FAM227B: variants seen among roughly 807,000 people sequenced by gnomAD.
The protein encoded by FAM227B is family with sequence similarity 227 member B.
A neutral mutation model predicts 73.8 loss-of-function variants in FAM227B; 88 were observed. The observed-to-expected ratio is 1.19, with a 90% CI of 1.00 to 1.42. The LOEUF is 1.42. Ranked by LOEUF, FAM227B falls within the 40% of genes most tolerant of loss-of-function variation. The pLI is 0.00. For missense variants in FAM227B, 632 were observed against 590.9 expected (o/e 1.07, Z -0.72); for synonymous variants, 210 against 190.5 (o/e 1.10, Z -0.84).
chr15:49,511,330 T>C (rs576481413), intron 10 of FAM227B, among the ~76,000 whole-genome samples: 5 of 151,666 alleles, frequency 3.3e-5, no homozygotes, highest in Non-Finnish European at 7.4e-5. Context: ...TTAGCTATCA[T>C]CTTATATATT....
intron 11 of FAM227B, among the ~76,000 whole-genome samples, chr15:49,389,844 C>T (rs1458550625): frequency 2.0e-5 from 3 of 151,920 alleles, no homozygotes; most frequent in East Asian, 3.9e-4. Flanking sequence ...ACTGATTTTT[C>T]CTAGCCACTG....
Position 49,508,171 on chromosome 15 carries a change from C to T in FAM227B, c.1012+40G>A, listed in dbSNP as rs1324203478. 3 of 1,562,948 alleles carry T rather than the reference C, an allele frequency of 1.9e-6. No individual in the cohort carries two copies. The East Asian group carries it at 7.0e-5, about 36-fold the overall frequency. ...TAATAAATAAATTAATTGATTTTTG[C>T]TACCTATTCCATTTGGCAGTATACA... is the stretch of plus-strand genomic sequence containing the variant. On this transcript the variant is annotated intron_variant, in intron 11 of 15. Coordinates refer to ENST00000299338, the MANE Select transcript of FAM227B (RefSeq NM_152647.3).
At chr15:49,368,474 G>A (rs2045534634) in intron 12 of FAM227B, among the ~76,000 whole-genome samples, 1 of 152,066 alleles carries the variant, frequency 6.6e-6, no homozygotes, top group Non-Finnish European at 1.5e-5. Context: ...CAAAAAATAT[G>A]TTTCAGAATT....
At chr15:49,427,465 A>G (rs1377168410) in intron 11 of FAM227B, among the ~76,000 whole-genome samples, 1 of 152,058 alleles carries the variant, frequency 6.6e-6, no homozygotes, top group Non-Finnish European at 1.5e-5. Flanking sequence ...TTGATGCCTT[A>G]AATTTTTTCA....
At chr15:49,348,518 T>C (rs1049181697) in intron 13 of FAM227B, among the ~76,000 whole-genome samples, 9 of 152,192 alleles carry the variant, frequency 5.9e-5, no homozygotes, top group African/African-American at 2.2e-4. Context: ...AGCTCTAAAC[T>C]AGAATATAGG....
At chr15:49,421,747 G>A (rs11638314) in intron 11 of FAM227B, among the ~76,000 whole-genome samples, 23,147 of 152,114 alleles carry the variant, frequency 0.15, 2,251 homozygotes, top group Non-Finnish European at 0.21. Context: ...TAGGAATTCT[G>A]AGCCTGCTCA....
At chr15:49,394,996 T>A (rs1014914355) in intron 11 of FAM227B, among the ~76,000 whole-genome samples, 11 of 152,218 alleles carry the variant, frequency 7.2e-5, no homozygotes, top group Non-Finnish European at 1.3e-4. Flanking sequence ...TAACTACTGT[T>A]ATTTAAGAGA....
chr15:49,454,952 C>T (rs1481047319), intron 11 of FAM227B, among the ~76,000 whole-genome samples: 1 of 152,124 alleles, frequency 6.6e-6, no homozygotes, highest in Admixed American at 6.6e-5. Flanking sequence ...TCAGTCTCAC[C>T]ATGTTCCATT....
chr15:49,618,802 A>G lies in FAM227B; in HGVS notation c.-73+1898T>C, dbSNP rs117497692. Reference sequence around the variant, plus strand: ...ATGGGGGTAACAGATGAAATATTTAAAAGACTTGAATTTTCCTTTGGTGAG... The same window carrying G: ...ATGGGGGTAACAGATGAAATATTTAGAAGACTTGAATTTTCCTTTGGTGAG... On this transcript the variant is annotated intron_variant, in intron 1 of 15. Coordinates refer to ENST00000299338, the MANE Select transcript of FAM227B (RefSeq NM_152647.3). Among the ~76,000 whole-genome samples the G allele has an allele frequency of 2.9e-4, 44 of 152,334 alleles. 1 individual carries two copies. The East Asian group carries it at 5.6e-3, about 19-fold the overall frequency.
At chr15:49,401,149 T>C (rs2048111755) in intron 11 of FAM227B, among the ~76,000 whole-genome samples, 1 of 152,140 alleles carries the variant, frequency 6.6e-6, no homozygotes, top group African/African-American at 2.4e-5. Context: ...CAAACAAATT[T>C]ACAAGAAAAG....
At chr15:49,568,854 T>C (rs549750529) in intron 8 of FAM227B, among the ~76,000 whole-genome samples, 1 of 152,122 alleles carries the variant, frequency 6.6e-6, no homozygotes, top group Admixed American at 6.5e-5. Flanking sequence ...TTTATTGCAG[T>C]GTCTTTTTGG....
intron 11 of FAM227B, among the ~76,000 whole-genome samples, chr15:49,445,876 TTAGA>T (rs758962102): frequency 8.6e-5 from 13 of 151,654 alleles, no homozygotes; most frequent in Middle Eastern, 3.4e-3. Context: ...TCATTTGAAA[TTAGA>T]TAGAAAGTTT....
intron 3 of FAM227B, among the ~76,000 whole-genome samples, chr15:49,593,201 A>T (rs1368423592): frequency 2.0e-5 from 3 of 152,082 alleles, no homozygotes; most frequent in Admixed American, 1.3e-4. Flanking sequence ...CCCTCTGTCC[A>T]ACCAGTCCCA....
intron 11 of FAM227B, among the ~76,000 whole-genome samples, chr15:49,418,698 C>T (rs920880450): frequency 5.9e-5 from 9 of 151,836 alleles, no homozygotes; most frequent in Non-Finnish European, 8.8e-5. Context: ...CTTAGTGCTT[C>T]GGTGATAATC....
At chr15:49,520,258 A>T (rs897848336) in intron 10 of FAM227B, among the ~76,000 whole-genome samples, 5 of 152,198 alleles carry the variant, frequency 3.3e-5, no homozygotes, top group Admixed American at 6.5e-5. Flanking sequence ...GCCATTCAAC[A>T]AATCTCTAGG....
chr15:49,577,808 T>C, intron 5 of FAM227B, 144 bp from the exon 6 acceptor site: 1 of 485,852 alleles, frequency 2.1e-6, no homozygotes, highest in East Asian at 3.3e-5. Context: ...ACTATTGCTG[T>C]GTTTGATATT....
rs117426824 is a variant in FAM227B, at chr15:49,567,569, G to T, written c.747+676C>A. On this transcript the variant is annotated intron_variant, in intron 9 of 15. Transcript: ENST00000299338. ...ATCATGAAAGACACCTTTTTATTTT[G>T]GGTATGGCTTTCTCATGAAAACATT... Among the ~76,000 whole-genome samples the T allele has an allele frequency of 9.2e-5, 14 of 152,070 alleles. No homozygotes were observed. The East Asian group carries it at 2.7e-3, about 29-fold the overall frequency.
chr15:49,566,139 G>A (rs1395902), intron 9 of FAM227B, among the ~76,000 whole-genome samples: 1 of 152,052 alleles, frequency 6.6e-6, no homozygotes, highest in African/African-American at 2.4e-5. Context: ...TAATCTATTA[G>A]TGCTCAAATT....
chr15:49,441,812 T>C (rs971496666), intron 11 of FAM227B, among the ~76,000 whole-genome samples: 29 of 151,622 alleles, frequency 1.9e-4, no homozygotes, highest in African/African-American at 6.0e-4. Context: ...TATTATCTCA[T>C]TGAATTCCTA....
Sources: allele counts gnomAD v4.1 joint callset (sites outside exome capture counted in the v4.1 genomes callset), GRCh38; gene constraint gnomAD v4.1.1; transcripts MANE v1.5; gene names NCBI Gene and HGNC (gene_info 2026-07-23, HGNC 2026-07-21).